Variants in ST6GAL2 observed in about 807,000 individuals in gnomAD.
ST6GAL2 encodes the protein ST6 beta-galactoside alpha-2,6-sialyltransferase 2, also known as beta-galactoside alpha-2,6-sialyltransferase 2.
A neutral mutation model predicts 37.5 loss-of-function variants in ST6GAL2; 24 were observed. That is an observed-to-expected ratio of 0.64 (90% CI 0.46 to 0.90). ST6GAL2 has a LOEUF of 0.90. ST6GAL2 is among the 40% of genes least tolerant of loss of function. The probability of loss-of-function intolerance (pLI) is 0.00; values close to 1 mark genes in which losing one functional copy is unlikely to be tolerated. For missense variants in ST6GAL2, 715 were observed against 712.7 expected, an observed-to-expected ratio of 1.00 and a Z score of -0.04; for synonymous variants, 306 against 295.1, an observed-to-expected ratio of 1.04 and a Z score of -0.38.
At position 106,843,193 on chromosome 2, in the gene ST6GAL2, C is replaced by T. The variant is rs1676973593; in HGVS notation, c.785G>A (p.Arg262Gln). The T allele has an allele frequency of 2.6e-6, 4 of 1,545,772 alleles. No homozygotes were observed. Among genetic ancestry groups the T allele is most frequent in the South Asian group, 1.2e-5 (1 of 84,108 alleles). Reference protein sequence around the residue: ...LCQLRSRARVRTLDGTEAPFS... With the variant: ...LCQLRSRARVQTLDGTEAPFS... ...GGGCGCCTCGGTGCCGTCCAGCGTC[C>T]GCACGCGCGCGCGGCTCCGCAGCTG... is the stretch of plus-strand genomic sequence containing the variant. Residue 262 changes from arginine to glutamine, a missense_variant, in exon 2 of 6, where the codon CGG (arginine) becomes CAG (glutamine). By Grantham distance (43) the Arg-to-Gln change is conservative. Coordinates refer to ENST00000409382, the MANE Select transcript of ST6GAL2 (RefSeq NM_001142351.2).
chr2:106,887,031 G>A (rs913862662), upstream of ST6GAL2: 2 of 152,492 alleles, frequency 1.3e-5, no homozygotes, highest in African/African-American at 4.8e-5. Context: ...CTCGGGTCCC[G>A]GGCGGCGGCA....
chr2:106,830,941 ATGT>A (rs1676397910), intron 4 of ST6GAL2, among the ~76,000 whole-genome samples: 1 of 152,244 alleles, frequency 6.6e-6, no homozygotes, highest in African/African-American at 2.4e-5. Context: ...TACACCATGT[ATGT>A]TATTGTATGA....
intron 5 of ST6GAL2, among the ~76,000 whole-genome samples, chr2:106,827,357 C>T (rs1172616613): frequency 6.6e-6 from 1 of 152,166 alleles, no homozygotes; most frequent in Non-Finnish European, 1.5e-5. Flanking sequence ...GCAAAGACTA[C>T]TGCAGTCTCG....
At chr2:106,879,871 T>C (rs1048550447) in intron 1 of ST6GAL2, among the ~76,000 whole-genome samples, 2 of 147,884 alleles carry the variant, frequency 1.4e-5, no homozygotes, top group African/African-American at 4.9e-5. Flanking sequence ...ATATACATTA[T>C]ACATATAGAC....
intron 1 of ST6GAL2, among the ~76,000 whole-genome samples, chr2:106,859,686 C>T (rs1009651550): frequency 2.4e-4 from 36 of 152,180 alleles, no homozygotes; most frequent in Admixed American, 2.2e-3. Context: ...GCATTGCCTT[C>T]TGTACTGCCC....
chr2:106,844,735 A>C (rs1258581471), intron 1 of ST6GAL2, among the ~76,000 whole-genome samples: 1 of 152,214 alleles, frequency 6.6e-6, no homozygotes, highest in African/African-American at 2.4e-5. Context: ...TTGGTGAGAT[A>C]AGAGGGAAGT....
rs1675420822 is a variant in ST6GAL2, at chr2:106,806,603, ATCTT to A, written c.*71_*74del. ...CTCAAAACTACACTGTCTAAAATCTATCTTCAAGTATTCTTTTGTGACTTTGAGT... is the reference window on the plus strand; with the variant it reads ...CTCAAAACTACACTGTCTAAAATCTACAAGTATTCTTTTGTGACTTTGAGT... On this transcript the variant is annotated 3_prime_UTR_variant, in exon 6 of 6. Coordinates refer to ENST00000409382, the MANE Select transcript of ST6GAL2 (RefSeq NM_001142351.2). 1 of 1,504,234 alleles carries A rather than the reference ATCTT, an allele frequency of 6.6e-7. No individual in the cohort carries two copies. Among genetic ancestry groups the A allele is most frequent in the Admixed American group, 1.8e-5 (1 of 54,256 alleles). 93.2% of individuals were successfully genotyped at this position (1,504,234 alleles called of 1,614,324 possible). A position where few individuals can be genotyped will look rare whatever the true frequency, so the allele number is the denominator to read the frequency against.
chr2:106,809,756 C>G (rs984173957), intron 5 of ST6GAL2, among the ~76,000 whole-genome samples: 1 of 152,196 alleles, frequency 6.6e-6, no homozygotes, highest in Non-Finnish European at 1.5e-5. Flanking sequence ...CAACCTATCA[C>G]AGACCAATGC....
chr2:106,827,056 C>T (rs538418034), intron 5 of ST6GAL2, among the ~76,000 whole-genome samples: 3 of 152,242 alleles, frequency 2.0e-5, no homozygotes, highest in East Asian at 1.9e-4. Context: ...AACAGCTCTT[C>T]GATGAGTTCT....
chr2:106,886,665 G>C (rs1302811734), upstream of ST6GAL2: 1 of 151,714 alleles, frequency 6.6e-6, no homozygotes, highest in Non-Finnish European at 1.5e-5. Flanking sequence ...CCGCCCCCGA[G>C]CTCCGCTCGC....
At chr2:106,861,877 C>T (rs541744208) in intron 1 of ST6GAL2, among the ~76,000 whole-genome samples, 1 of 152,252 alleles carries the variant, frequency 6.6e-6, no homozygotes, top group Non-Finnish European at 1.5e-5. Context: ...AGTGATCTGC[C>T]CGCCTTTGGC....
At chr2:106,828,565 C>T (rs1437800045) in intron 5 of ST6GAL2, among the ~76,000 whole-genome samples, 2 of 152,116 alleles carry the variant, frequency 1.3e-5, no homozygotes, top group Non-Finnish European at 2.9e-5. Context: ...CACATTATTA[C>T]AATACCAAAA....
Position 106,843,035 on chromosome 2 carries a change from CT to C in ST6GAL2, c.942del (p.Ile314MetfsTer8), listed in dbSNP as rs1394811374. On this transcript the variant is annotated frameshift_variant and splice_region_variant, in exon 2 of 6. Coordinates refer to ENST00000409382, the MANE Select transcript of ST6GAL2 (RefSeq NM_001142351.2). LOFTEE classifies it high-confidence loss of function. Reference sequence around the variant, plus strand: ...ACCTGGTCCCCCCGCTGAGACCTACCTATTTCCTCGCCCAAGGAAGAGTTGA... The same window carrying C: ...ACCTGGTCCCCCCGCTGAGACCTACCATTTCCTCGCCCAAGGAAGAGTTGA... ...AILNSSLGEE[I>X]DSHDAVLRFN... The C allele has an allele frequency of 1.3e-5, 18 of 1,415,916 alleles. No homozygotes were observed. The highest frequency in any genetic ancestry group is 1.4e-5 in the Non-Finnish European group (15 of 1,082,440). 87.7% of individuals were successfully genotyped at this position (1,415,916 alleles called of 1,614,324 possible).
chr2:106,871,705 G>A (rs1319832020), intron 1 of ST6GAL2, among the ~76,000 whole-genome samples: 5 of 152,106 alleles, frequency 3.3e-5, no homozygotes, highest in Admixed American at 6.5e-5. Flanking sequence ...CAACATCACT[G>A]TCTTCCACCT....
intron 1 of ST6GAL2, among the ~76,000 whole-genome samples, chr2:106,865,806 T>G (rs963320927): frequency 6.6e-6 from 1 of 152,238 alleles, no homozygotes; most frequent in African/African-American, 2.4e-5. Context: ...CTTATACTTT[T>G]ATAAAATGGA....
At chr2:106,832,178 C>T (rs747192817) in intron 4 of ST6GAL2, among the ~76,000 whole-genome samples, 7 of 152,212 alleles carry the variant, frequency 4.6e-5, no homozygotes, top group African/African-American at 1.2e-4. Flanking sequence ...TTGAGATTTT[C>T]GTGCCATCAC....
intron 1 of ST6GAL2, among the ~76,000 whole-genome samples, chr2:106,865,049 G>A (rs1457410988): frequency 3.3e-5 from 5 of 152,074 alleles, no homozygotes; most frequent in East Asian, 3.9e-4. Flanking sequence ...ACTGGGATGC[G>A]ATGTGCAAGA....
chr2:106,860,897 A>C (rs935089100), intron 1 of ST6GAL2, among the ~76,000 whole-genome samples: 1 of 152,164 alleles, frequency 6.6e-6, no homozygotes, highest in African/African-American at 2.4e-5. Flanking sequence ...AACTAGAAAA[A>C]GAGAAAAGTG....
intron 1 of ST6GAL2, among the ~76,000 whole-genome samples, chr2:106,850,587 G>A (rs940820562): frequency 6.6e-6 from 1 of 152,154 alleles, no homozygotes; most frequent in Non-Finnish European, 1.5e-5. Context: ...TAAGTCTCAA[G>A]GCAATGTCAA....
Sources: allele counts gnomAD v4.1 joint callset (sites outside exome capture counted in the v4.1 genomes callset), GRCh38; gene constraint gnomAD v4.1.1; transcripts MANE v1.5; gene names NCBI Gene and HGNC (gene_info 2026-07-23, HGNC 2026-07-21).